GNAQ: variants seen among roughly 807,000 people sequenced by gnomAD.
GNAQ encodes G protein subunit alpha q.
A neutral mutation model predicts 43.9 loss-of-function variants in GNAQ; 8 were observed. The observed-to-expected ratio is 0.18, with a 90% confidence interval of 0.11 to 0.33. The LOEUF is 0.33. GNAQ is among the 10% of genes least tolerant of loss of function. The pLI is 1.00. For synonymous variants in GNAQ, 155 were observed against 170.7 expected, an observed-to-expected ratio of 0.91 and a Z score of 0.71; for missense variants, 158 against 450.8, an observed-to-expected ratio of 0.35 and a Z score of 5.88.
chr9:77,943,533 T>C (rs1829344055), intron 1 of GNAQ, among the ~76,000 whole-genome samples: 2 of 152,132 alleles, frequency 1.3e-5, no homozygotes, highest in Admixed American at 1.3e-4. Flanking sequence ...AAGTGTCTTC[T>C]CTTTCTATAA....
intron 5 of GNAQ, among the ~76,000 whole-genome samples, chr9:77,781,795 T>C (rs1196096140): frequency 1.3e-5 from 2 of 152,066 alleles, no homozygotes; most frequent in Non-Finnish European, 2.9e-5. Context: ...GCAGAAGAAA[T>C]GTTTGACAAA....
At chr9:77,767,400 C>A (rs1826153779) in intron 5 of GNAQ, among the ~76,000 whole-genome samples, 1 of 152,138 alleles carries the variant, frequency 6.6e-6, no homozygotes, top group African/African-American at 2.4e-5. Context: ...CCCCCTAACT[C>A]TGCTGAGAAC....
intron 5 of GNAQ, among the ~76,000 whole-genome samples, chr9:77,779,683 A>AAC: frequency 4.9e-5 from 1 of 20,554 alleles, no homozygotes; most frequent in African/African-American, 1.1e-4. Flanking sequence ...AACAAAACAA[A>AAC]AAAAAAAAAA....
chr9:77,861,049 A>G (rs937787160), intron 2 of GNAQ, among the ~76,000 whole-genome samples: 1 of 152,182 alleles, frequency 6.6e-6, no homozygotes, highest in Non-Finnish European at 1.5e-5. Flanking sequence ...GCAATTTACA[A>G]ATGAAAGAGG....
chr9:77,804,875 G>T (rs535332829), intron 3 of GNAQ, among the ~76,000 whole-genome samples: 3 of 152,020 alleles, frequency 2.0e-5, no homozygotes, highest in Non-Finnish European at 4.4e-5. Context: ...AAACGAGGTC[G>T]ACTTCATTTA....
chr9:77,959,921 A>G (rs1276091260), intron 1 of GNAQ, among the ~76,000 whole-genome samples: 1 of 152,176 alleles, frequency 6.6e-6, no homozygotes, highest in East Asian at 1.9e-4. Flanking sequence ...AGCCCCTTGG[A>G]TTGTAAAACC....
chr9:77,916,819 C>T (rs1462589764), intron 2 of GNAQ, among the ~76,000 whole-genome samples: 1 of 151,736 alleles, frequency 6.6e-6, no homozygotes, highest in African/African-American at 2.4e-5. Context: ...AGGCGGAGTT[C>T]TCTTAGACAA....
intron 2 of GNAQ, among the ~76,000 whole-genome samples, chr9:77,825,056 T>C (rs1301752190): frequency 6.6e-6 from 1 of 152,210 alleles, no homozygotes. Context: ...AAGATTTGTG[T>C]CTTTCGTATT....
chr9:77,776,249 T>C (rs920165410), intron 5 of GNAQ, among the ~76,000 whole-genome samples: 10 of 152,114 alleles, frequency 6.6e-5, no homozygotes, highest in Non-Finnish European at 7.4e-5. Context: ...AAGTAACATA[T>C]TAAATGTAAA....
chr9:77,857,254 T>C (rs1158083941), intron 2 of GNAQ, among the ~76,000 whole-genome samples: 1 of 152,202 alleles, frequency 6.6e-6, no homozygotes, highest in Admixed American at 6.5e-5. Flanking sequence ...CAAACATGGA[T>C]TACTCTGTTG....
intron 3 of GNAQ, among the ~76,000 whole-genome samples, chr9:77,805,665 A>C (rs1008611290): frequency 1.3e-5 from 2 of 152,042 alleles, no homozygotes; most frequent in Non-Finnish European, 2.9e-5. Context: ...CAGCCTCCCA[A>C]AGTGCTGGGA....
chr9:77,851,138 T>G (rs949477040), intron 2 of GNAQ, among the ~76,000 whole-genome samples: 1 of 152,214 alleles, frequency 6.6e-6, no homozygotes, highest in African/African-American at 2.4e-5. Context: ...CATACTTGTT[T>G]TACTCAACAA....
intron 3 of GNAQ, 112 bp from the exon 4 acceptor site, chr9:77,797,760 A>C: frequency 1.1e-6 from 1 of 887,526 alleles, no homozygotes; most frequent in South Asian, 1.7e-5. Context: ...AAGAGAAAGA[A>C]AAATATCAGA....
intron 1 of GNAQ, among the ~76,000 whole-genome samples, chr9:78,008,909 G>A (rs1457223983): frequency 6.6e-6 from 1 of 152,200 alleles, no homozygotes; most frequent in African/African-American, 2.4e-5. Context: ...GAGCCACTGA[G>A]CCCAGCCAAC....
At chr9:77,835,283 T>C (rs1483185871) in intron 2 of GNAQ, among the ~76,000 whole-genome samples, 2 of 151,554 alleles carry the variant, frequency 1.3e-5, no homozygotes, top group African/African-American at 4.9e-5. Context: ...CCCTACTAGA[T>C]AAGGGATCTA....
intron 2 of GNAQ, among the ~76,000 whole-genome samples, chr9:77,826,450 A>T (rs1827199540): frequency 6.6e-6 from 1 of 152,140 alleles, no homozygotes; most frequent in South Asian, 2.1e-4. Context: ...TGCACCTGGG[A>T]TCTTCTGATG....
intron 2 of GNAQ, among the ~76,000 whole-genome samples, chr9:77,818,597 T>C (rs1380480339): frequency 6.6e-6 from 1 of 152,156 alleles, no homozygotes; most frequent in Non-Finnish European, 1.5e-5. Flanking sequence ...AATTAAACAA[T>C]TATTAATGAA....
intron 3 of GNAQ, among the ~76,000 whole-genome samples, chr9:77,798,717 G>A (rs1826697948): frequency 6.6e-6 from 1 of 152,156 alleles, no homozygotes; most frequent in African/African-American, 2.4e-5. Context: ...CAATGTAAAT[G>A]CTATGTGAAT....
intron 1 of GNAQ, among the ~76,000 whole-genome samples, chr9:78,013,828 A>G (rs927386783): frequency 6.6e-6 from 1 of 152,142 alleles, no homozygotes; most frequent in Admixed American, 6.5e-5. Flanking sequence ...GAACATAGCC[A>G]TACTCATTTA....
Sources: allele counts gnomAD v4.1 joint callset (sites outside exome capture counted in the v4.1 genomes callset), GRCh38; gene constraint gnomAD v4.1.1; transcripts MANE v1.5; gene names NCBI Gene and HGNC (gene_info 2026-07-23, HGNC 2026-07-21).